The following NRXN1 variants were observed in gnomAD, a reference collection of about 807,000 sequenced individuals.
NRXN1 encodes the protein neurexin 1, also known as neurexin-1.
Under a neutral mutation model 150.9 loss-of-function variants are expected in NRXN1, and 39 were observed. That is an observed-to-expected ratio of 0.26 (90% CI 0.20 to 0.34). The LOEUF (loss-of-function observed/expected upper bound fraction) is 0.34. Among genes scored for constraint, NRXN1 ranks in the 10% least tolerant of loss-of-function variants. The pLI is 1.00. For synonymous variants in NRXN1, 924 were observed against 757.0 expected (o/e 1.22, Z -3.62); for missense variants, 1,815 against 1,949.9 (o/e 0.93, Z 1.30).
At chr2:50,506,451 A>T (rs2092226053) in intron 13 of NRXN1, 44 bp downstream of exon 13, 1 of 1,563,922 alleles carries the variant, frequency 6.4e-7, no homozygotes. Flanking sequence ...AATGAGAGTC[A>T]AAAGCGTTAG....
intron 2 of NRXN1, among the ~76,000 whole-genome samples, chr2:51,020,090 T>C (rs921323574): frequency 1.4e-4 from 21 of 151,814 alleles, no homozygotes; most frequent in Middle Eastern, 3.4e-3. Context: ...AGAGTTTACA[T>C]ACAGTAAAGC....
intron 12 of NRXN1, among the ~76,000 whole-genome samples, chr2:50,516,572 G>A (rs934285819): frequency 1.3e-5 from 2 of 152,110 alleles, no homozygotes; most frequent in East Asian, 3.9e-4. Flanking sequence ...GCCAGGCCTG[G>A]TGCCAATCAT....
chr2:49,996,573 G>T (rs1471455978), intron 21 of NRXN1, among the ~76,000 whole-genome samples: 1 of 152,158 alleles, frequency 6.6e-6, no homozygotes, highest in Non-Finnish European at 1.5e-5. Flanking sequence ...CCAGTGTAAT[G>T]ACAAGGGTCC....
chr2:50,552,461 A>G, intron 9 of NRXN1, 126 bp downstream of exon 9: 1 of 708,746 alleles, frequency 1.4e-6, no homozygotes, highest in East Asian at 2.5e-5. Context: ...ATATCAGGCA[A>G]TTTCTTTTAG....
At chr2:50,026,847 G>GTCTTT (rs1410362421) in intron 21 of NRXN1, among the ~76,000 whole-genome samples, 36 of 92,176 alleles carry the variant, frequency 3.9e-4, no homozygotes, top group Middle Eastern at 6.0e-3. Context: ...CATTGTTTAA[G>GTCTTT]TCTTTTCTTT....
rs2078149163 is a variant in NRXN1 at position 50,347,792 on chromosome 2, C to T, written c.3365-110822G>A. On this transcript the variant is annotated intron_variant, in intron 17 of 22. Transcript: ENST00000401669. This position sits in a 1 kb window ranked among gnomAD's most constrained non-coding sequence, Gnocchi z 4.9. The stretch of plus-strand genomic sequence containing the variant: ...CCACACACGCTGGTGAAGCAAGGGG[C>T]TCTATGCAAATCTGCAGTCTCCAAA... 5 of 986,516 alleles carry T rather than the reference C, an allele frequency of 5.1e-6. No homozygotes were observed. The South Asian group carries it at 2.3e-4, about 46-fold the overall frequency. The allele number at this position is 986,516 out of a possible 1,614,324, so 61.1% of individuals were successfully genotyped here.
At chr2:50,796,150 C>T (rs576955999) in intron 5 of NRXN1, among the ~76,000 whole-genome samples, 3 of 152,110 alleles carry the variant, frequency 2.0e-5, no homozygotes, top group Non-Finnish European at 4.4e-5. Flanking sequence ...AGGCTGTCTG[C>T]GTGACTATAA....
At chr2:50,733,640 A>G (rs1013094851) in intron 5 of NRXN1, among the ~76,000 whole-genome samples, 1 of 152,192 alleles carries the variant, frequency 6.6e-6, no homozygotes, top group Admixed American at 6.5e-5. Flanking sequence ...TAACTGTTGT[A>G]TAAGGACACC....
chr2:50,976,970 A>G (rs1695943224), intron 2 of NRXN1, among the ~76,000 whole-genome samples: 1 of 152,026 alleles, frequency 6.6e-6, no homozygotes, highest in Admixed American at 6.6e-5. Context: ...AAATTTTATT[A>G]TCAACAGGTC....
chr2:50,591,029 G>A (rs113336729), intron 8 of NRXN1, among the ~76,000 whole-genome samples: 6 of 152,184 alleles, frequency 3.9e-5, no homozygotes, highest in African/African-American at 1.4e-4. Context: ...TAACGTAGTG[G>A]TTGACAAAAT....
At chr2:50,530,312 C>G (rs1024590776) in intron 11 of NRXN1, among the ~76,000 whole-genome samples, 1 of 152,100 alleles carries the variant, frequency 6.6e-6, no homozygotes, top group African/African-American at 2.4e-5. Flanking sequence ...ATTTCCAATA[C>G]TTCATGTTGA....
At chr2:49,962,522 G>A (rs1676151274) in intron 21 of NRXN1, among the ~76,000 whole-genome samples, 2 of 152,166 alleles carry the variant, frequency 1.3e-5, no homozygotes, top group South Asian at 4.1e-4. Flanking sequence ...TTTTGACTAA[G>A]AGTTCTATGT....
intron 5 of NRXN1, among the ~76,000 whole-genome samples, chr2:50,678,941 A>G (rs1689946060): frequency 1.3e-5 from 2 of 152,084 alleles, no homozygotes; most frequent in Non-Finnish European, 2.9e-5. Context: ...TATGGACTGC[A>G]CAGTGAAGCA....
chr2:50,678,395 A>G (rs904307092), intron 5 of NRXN1, among the ~76,000 whole-genome samples: 1 of 152,182 alleles, frequency 6.6e-6, no homozygotes, highest in Non-Finnish European at 1.5e-5. Context: ...ATTATTCCAA[A>G]TGACAACTTT....
chr2:50,858,603 G>A (rs781580292), intron 5 of NRXN1, among the ~76,000 whole-genome samples: 4 of 151,942 alleles, frequency 2.6e-5, no homozygotes, highest in Non-Finnish European at 4.4e-5. Flanking sequence ...CTTTGCTCAA[G>A]CAATGAAGCT....
At chr2:49,971,928 T>C (rs903148803) in intron 21 of NRXN1, among the ~76,000 whole-genome samples, 5 of 152,204 alleles carry the variant, frequency 3.3e-5, no homozygotes, top group African/African-American at 7.2e-5. Flanking sequence ...AGAACTTTTT[T>C]TGAGAATGGA....
intron 19 of NRXN1, among the ~76,000 whole-genome samples, chr2:50,060,803 G>T (rs140875016): frequency 8.6e-5 from 13 of 152,032 alleles, no homozygotes; most frequent in Non-Finnish European, 1.8e-4. Context: ...CTCCTCCTTC[G>T]TCTTTCTGAC....
intron 8 of NRXN1, among the ~76,000 whole-genome samples, chr2:50,553,708 G>C (rs780808072): frequency 6.6e-6 from 1 of 152,214 alleles, no homozygotes; most frequent in Non-Finnish European, 1.5e-5. Flanking sequence ...TATTCAACCT[G>C]TGTTACTGGT....
At chr2:49,976,570 G>C (rs1020480428) in intron 21 of NRXN1, among the ~76,000 whole-genome samples, 1 of 152,158 alleles carries the variant, frequency 6.6e-6, no homozygotes, top group Non-Finnish European at 1.5e-5. Context: ...GGAAAATCTT[G>C]AGGGAAAGGA....
Sources: gnomAD v4.1 joint callset for allele counts (sites outside exome capture counted in the v4.1 genomes callset) on GRCh38, gnomAD v4.1.1 for gene constraint, Gnocchi (gnomAD v3.1) non-coding constraint, MANE v1.5 for transcripts, NCBI Gene and HGNC (gene_info 2026-07-23, HGNC 2026-07-21) for gene names.